SNX16: variants seen among roughly 807,000 people sequenced by gnomAD.
The protein encoded by SNX16 is sorting nexin-16.
SNX16 carries 35 observed loss-of-function variants against 36.7 expected under a neutral mutation model. The ratio of observed to expected loss-of-function variants is 0.95; its 90% CI spans 0.73 to 1.27. SNX16 has a LOEUF of 1.27. Ranked by LOEUF, SNX16 falls within the 50% of genes most tolerant of loss-of-function variation. The probability of loss-of-function intolerance (pLI) is 0.00; values close to 1 mark genes in which losing one functional copy is unlikely to be tolerated. For synonymous variants in SNX16, 134 were observed against 132.0 expected (o/e 1.02, Z -0.10); for missense variants, 367 against 393.6 (o/e 0.93, Z 0.57).
At chr8:81,821,302 C>T (rs1810730357) in intron 4 of SNX16, among the ~76,000 whole-genome samples, 1 of 151,806 alleles carries the variant, frequency 6.6e-6, no homozygotes, top group Admixed American at 6.6e-5. Flanking sequence ...TCAAATGGCC[C>T]TAGTAATCTC....
At chr8:81,840,654 G>C (rs1326188705) in intron 1 of SNX16, among the ~76,000 whole-genome samples, 1 of 150,570 alleles carries the variant, frequency 6.6e-6, no homozygotes, top group Non-Finnish European at 1.5e-5. Flanking sequence ...ATACACACTT[G>C]GTCAAGTTAC....
At chr8:81,814,947 G>C (rs1288609410) in intron 5 of SNX16, 2 of 154,096 alleles carry the variant, frequency 1.3e-5, no homozygotes, top group Admixed American at 6.4e-5. Context: ...TCCTACCCCT[G>C]AAGTTTTAAA....
chr8:81,815,738 G>T, intron 4 of SNX16: 1 of 166,554 alleles, frequency 6.0e-6, no homozygotes, highest in Non-Finnish European at 1.3e-5. Context: ...ATCCTTTTAT[G>T]AATAAATGCA....
chr8:81,830,448 G>A (rs548526874), intron 2 of SNX16, among the ~76,000 whole-genome samples: 2 of 152,062 alleles, frequency 1.3e-5, no homozygotes, highest in Admixed American at 6.5e-5. Flanking sequence ...GCAGGCGCCT[G>A]TAGTCCCAGT....
intron 2 of SNX16, among the ~76,000 whole-genome samples, chr8:81,830,434 G>A (rs1015709330): frequency 3.9e-5 from 6 of 151,908 alleles, no homozygotes; most frequent in African/African-American, 1.2e-4. Flanking sequence ...AGCCGGGCAC[G>A]GTGGCAGGCG....
intron 2 of SNX16, among the ~76,000 whole-genome samples, chr8:81,829,925 T>C (rs1484189188): frequency 6.6e-6 from 1 of 152,116 alleles, no homozygotes; most frequent in African/African-American, 2.4e-5. Flanking sequence ...AATGTTTTTA[T>C]TGCCAAGAAT....
At chr8:81,802,581 G>GCTA in intron 6 of SNX16, 82 bp from the exon 7 acceptor site, 5 of 1,191,308 alleles carry the variant, frequency 4.2e-6, no homozygotes, top group Non-Finnish European at 5.9e-6. Flanking sequence ...GGTAGCTATA[G>GCTA]CAGTCTTTAG....
rs148230049 is a variant in SNX16 at position 81,812,293 on chromosome 8, T to C, written c.681+3032A>G. Among the ~76,000 whole-genome samples the C allele has an allele frequency of 3.9e-5, 6 of 151,902 alleles. No individual in the cohort carries two copies. In the East Asian group the frequency reaches 1.2e-3, roughly 29 times the overall value. On this transcript the variant is annotated intron_variant, in intron 5 of 7. Transcript: ENST00000345957. ...GGCTAACAAATTCCAAAGTTTGATA[T>C]AAAACATTAATCTGTCAAGTCAACA...
At chr8:81,824,553 C>T (rs1411102014) in intron 3 of SNX16, among the ~76,000 whole-genome samples, 1 of 151,924 alleles carries the variant, frequency 6.6e-6, no homozygotes, top group African/African-American at 2.4e-5. Context: ...TCTGCTTACT[C>T]CAAGGCTGTA....
intron 4 of SNX16, among the ~76,000 whole-genome samples, chr8:81,819,492 T>C (rs1810637116): frequency 6.6e-6 from 1 of 152,062 alleles, no homozygotes; most frequent in Non-Finnish European, 1.5e-5. Context: ...TTCTTTAAAG[T>C]GCAGTTCAAC....
At chr8:81,838,482 T>C (rs749022431) in intron 2 of SNX16, among the ~76,000 whole-genome samples, 1 of 151,636 alleles carries the variant, frequency 6.6e-6, no homozygotes, top group Non-Finnish European at 1.5e-5. Flanking sequence ...CATGCATTTA[T>C]GGTCACATGA....
At chr8:81,810,649 A>T (rs1474213747) in intron 5 of SNX16, among the ~76,000 whole-genome samples, 3 of 152,170 alleles carry the variant, frequency 2.0e-5, no homozygotes, top group African/African-American at 7.2e-5. Flanking sequence ...TATAAACTTA[A>T]TATTGCCTTG....
chr8:81,841,098 T>C (rs1320407215), intron 1 of SNX16, among the ~76,000 whole-genome samples: 1 of 152,206 alleles, frequency 6.6e-6, no homozygotes, highest in Non-Finnish European at 1.5e-5. Flanking sequence ...CCCAGCACTT[T>C]GGGAGGATGA....
chr8:81,821,501 T>G (rs1810740067), intron 4 of SNX16, among the ~76,000 whole-genome samples: 2 of 152,104 alleles, frequency 1.3e-5, no homozygotes, highest in Admixed American at 1.3e-4. Context: ...TTTTATGGTA[T>G]GCTATTAAAC....
chr8:81,825,936 C>G (rs1162620027), intron 3 of SNX16, among the ~76,000 whole-genome samples: 1 of 151,810 alleles, frequency 6.6e-6, no homozygotes, highest in Non-Finnish European at 1.5e-5. Context: ...TAACAAAAGA[C>G]ATGAGGGAAA....
At position 81,833,995 on chromosome 8, in the gene SNX16, T is replaced by G. The variant is rs553402023; in HGVS notation, c.376-4479A>C. 7.2e-5 allele frequency among the ~76,000 whole-genome samples: 11 copies of G among 152,308 alleles called. No individual in the cohort carries two copies. In the East Asian group the frequency reaches 1.9e-3, roughly 27 times the overall value. ...TCATAAGCGTACAACTTGACAAATTTCACAAAATGAACACACCTAAAGTAC... is the reference window on the plus strand; with the variant it reads ...TCATAAGCGTACAACTTGACAAATTGCACAAAATGAACACACCTAAAGTAC... On this transcript the variant is annotated intron_variant, in intron 2 of 7. Transcript: ENST00000345957.
intron 2 of SNX16, among the ~76,000 whole-genome samples, chr8:81,833,243 T>C (rs1811347259): frequency 2.0e-5 from 3 of 152,022 alleles, no homozygotes; most frequent in Non-Finnish European, 2.9e-5. Flanking sequence ...GCTCACATTA[T>C]ACTTCTATTG....
intron 5 of SNX16, chr8:81,807,771 C>G (rs1385740285): frequency 2.9e-6 from 2 of 698,734 alleles, no homozygotes; most frequent in East Asian, 5.1e-5. Flanking sequence ...TCCCTGCTGT[C>G]ATGTCTAAGT....
intron 2 of SNX16, among the ~76,000 whole-genome samples, chr8:81,834,743 G>T (rs917894799): frequency 5.3e-5 from 8 of 152,148 alleles, no homozygotes; most frequent in Non-Finnish European, 8.8e-5. Context: ...CATGCAAGAG[G>T]TGGGCTCCCA....
Sources: gnomAD v4.1 joint callset for allele counts (sites outside exome capture counted in the v4.1 genomes callset) on GRCh38, gnomAD v4.1.1 for gene constraint, MANE v1.5 for transcripts, NCBI Gene and HGNC (gene_info 2026-07-23, HGNC 2026-07-21) for gene names.